The following TCP11L2 variants were observed in gnomAD, a reference collection of about 807,000 sequenced individuals.
The protein encoded by TCP11L2 is T-complex protein 11-like protein 2.
Under a neutral mutation model 50.7 loss-of-function variants are expected in TCP11L2, and 39 were observed. The observed-to-expected ratio is 0.77, with a 90% CI of 0.60 to 1.01. TCP11L2 has a LOEUF of 1.01. TCP11L2 is among the 50% of genes least tolerant of loss of function. The pLI, the probability that TCP11L2 is intolerant of heterozygous loss-of-function variation, is 0.00. For missense variants in TCP11L2, 612 were observed against 614.7 expected, an observed-to-expected ratio of 1.00 and a Z score of 0.05; for synonymous variants, 192 against 219.3, an observed-to-expected ratio of 0.88 and a Z score of 1.10.
At position 106,335,784 on chromosome 12, in the gene TCP11L2, G is replaced by T. The variant is rs150065713; in HGVS notation, c.918G>T (p.Leu306Phe). 95 of 1,614,208 alleles carry T rather than the reference G, an allele frequency of 5.9e-5. 1 individual carries two copies. The African/African-American group carries it at 1.2e-3, about 20-fold the overall frequency. The change falls in exon 7 of 10, where the codon TTG becomes TTT. Residue 306 changes from leucine to phenylalanine, a missense_variant. Leu to Phe is a conservative substitution (Grantham distance 22). Coordinates refer to ENST00000299045, the MANE Select transcript of TCP11L2 (RefSeq NM_152772.3). Reference protein sequence around the residue: ...SPTLVLNNSYLKLLQWDYQKK... With the variant: ...SPTLVLNNSYFKLLQWDYQKK... ...CTTTGGTGCTAAATAATAGTTACTT[G>T]AAACTGTTACAGTGGGATTATCAGA...
At chr12:106,329,050 A>G (rs889272717) in intron 6 of TCP11L2, among the ~76,000 whole-genome samples, 1 of 152,082 alleles carries the variant, frequency 6.6e-6, no homozygotes, top group Non-Finnish European at 1.5e-5. Context: ...CAGCACCAAA[A>G]GAAGGGAAAG....
At chr12:106,342,077 A>G (rs953817531) in intron 9 of TCP11L2, among the ~76,000 whole-genome samples, 2 of 152,204 alleles carry the variant, frequency 1.3e-5, no homozygotes, top group Non-Finnish European at 2.9e-5. Context: ...GCAGTTGTCT[A>G]CTACAGAGGT....
At chr12:106,328,347 C>A (rs2035628519) in intron 6 of TCP11L2, among the ~76,000 whole-genome samples, 1 of 152,286 alleles carries the variant, frequency 6.6e-6, no homozygotes, top group East Asian at 1.9e-4. Context: ...AGATCGAGAC[C>A]ATCCTGGCCA....
chr12:106,329,232 A>G, intron 6 of TCP11L2: 2 of 1,439,956 alleles, frequency 1.4e-6, no homozygotes, highest in Non-Finnish European at 1.9e-6. Context: ...TTACCTTTAA[A>G]TCCCCAGTAC....
chr12:106,300,095 A>G (rs1219565415), upstream of TCP11L2, among the ~76,000 whole-genome samples: 1 of 152,156 alleles, frequency 6.6e-6, no homozygotes, highest in Non-Finnish European at 1.5e-5. Flanking sequence ...TAGAAAAACT[A>G]GGTGTAATAA....
chr12:106,298,734 G>A (rs1413722140), upstream of TCP11L2, among the ~76,000 whole-genome samples: 1 of 151,990 alleles, frequency 6.6e-6, no homozygotes, highest in Admixed American at 6.6e-5. Context: ...TGTTGGTCAG[G>A]CTGGTCTCAA....
chr12:106,341,321 A>G (rs918070080), intron 9 of TCP11L2, among the ~76,000 whole-genome samples: 3 of 152,216 alleles, frequency 2.0e-5, no homozygotes, highest in African/African-American at 7.2e-5. Flanking sequence ...GTTCACAGAT[A>G]GTAGATATGA....
intron 8 of TCP11L2, 72 bp from the exon 9 acceptor site, chr12:106,340,754 G>T (rs1468476306): frequency 8.3e-6 from 11 of 1,320,598 alleles, no homozygotes; most frequent in Non-Finnish European, 1.1e-5. Flanking sequence ...TCTAAAACAA[G>T]TCTGTATATT....
At chr12:106,342,006 C>G (rs1208645645) in intron 9 of TCP11L2, among the ~76,000 whole-genome samples, 2 of 152,012 alleles carry the variant, frequency 1.3e-5, no homozygotes, top group Non-Finnish European at 2.9e-5. Flanking sequence ...GATGGTTACC[C>G]CCAAATAAAA....
chr12:106,339,199 T>A (rs1312927104), intron 8 of TCP11L2, among the ~76,000 whole-genome samples: 1 of 152,118 alleles, frequency 6.6e-6, no homozygotes, highest in Non-Finnish European at 1.5e-5. Flanking sequence ...ATGGTATCTC[T>A]CTGTGGTTTT....
chr12:106,310,800 A>G (rs922683885), intron 1 of TCP11L2, among the ~76,000 whole-genome samples: 2 of 152,202 alleles, frequency 1.3e-5, no homozygotes, highest in Admixed American at 6.5e-5. Context: ...TCACATTTAT[A>G]GTGGGTGTGT....
In TCP11L2 at chr12:106,314,568, TGTGTGTGTGAGAGAGAGA is replaced by T. The variant is rs1395832036; in HGVS notation, c.293+77_293+94del. 7 of 1,005,206 alleles carry T rather than the reference TGTGTGTGTGAGAGAGAGA, an allele frequency of 7.0e-6. No individual in the cohort carries two copies. In the African/African-American group the frequency reaches 8.7e-5, roughly 12 times the overall value. The allele number at this position is 1,005,206 out of a possible 1,614,324, so 62.3% of individuals were successfully genotyped here. A position where few individuals can be genotyped will look rare whatever the true frequency, so the allele number is the denominator to read the frequency against. ...GTGTGTGTGTGTGTGTGTGTGTGTG[TGTGTGTGTGAGAGAGAGA>T]GAGAGAGAGAGAGAGACAGAGAGAG... On this transcript the variant is annotated intron_variant, in intron 3 of 9. Coordinates refer to ENST00000299045, the MANE Select transcript of TCP11L2 (RefSeq NM_152772.3).
chr12:106,327,161 T>G (rs1261188458), intron 6 of TCP11L2, among the ~76,000 whole-genome samples: 1 of 152,186 alleles, frequency 6.6e-6, no homozygotes, highest in Non-Finnish European at 1.5e-5. Context: ...TGCCTATTTT[T>G]TTTCTGTTTT....
In TCP11L2 at chr12:106,305,914, GCAGAGTTAAGATCA is replaced by G. The variant is rs1358175800; in HGVS notation, c.-36+2979_-36+2992del. Among the ~76,000 whole-genome samples, 6 of 152,184 alleles carry G rather than the reference GCAGAGTTAAGATCA, an allele frequency of 3.9e-5. No homozygotes were observed. The East Asian group carries it at 1.2e-3, about 29-fold the overall frequency. ...GGGAGAACACTGCAGAATAAGGTGG[GCAGAGTTAAGATCA>G]CAGAGGGTTGTAAACCATGGCCCAG... On this transcript the variant is annotated intron_variant, in intron 1 of 9. Transcript: ENST00000299045.
chr12:106,305,979 A>AG (rs1359180011), intron 1 of TCP11L2, among the ~76,000 whole-genome samples: 4 of 152,250 alleles, frequency 2.6e-5, no homozygotes, highest in Non-Finnish European at 5.9e-5. Context: ...GAACCCACCT[A>AG]GGGATGAACT....
intron 5 of TCP11L2, among the ~76,000 whole-genome samples, chr12:106,322,464 G>T (rs1049864152): frequency 6.6e-6 from 1 of 152,200 alleles, no homozygotes; most frequent in Admixed American, 6.5e-5. Context: ...AATTTGCACT[G>T]CAGGGAGGGA....
chr12:106,346,318 C>T lies in TCP11L2; in HGVS notation c.1348C>T (p.Leu450Phe). ...KRIKLYMRRL[L>F]CLPSPQKCMP... ...AATTAAGCTTTACATGAGAAGGCTA[C>T]TTTGTCTTCCAAGCCCTCAAAAATG... Residue 450 changes from leucine to phenylalanine, a missense_variant, in exon 10 of 10, where the codon CTT (leucine) becomes TTT (phenylalanine). Leu to Phe is a conservative substitution (Grantham distance 22). Transcript: ENST00000299045. 6.2e-7 allele frequency: 1 copy of T among 1,613,138 alleles called. No homozygotes were observed. Among genetic ancestry groups the T allele is most frequent in the Non-Finnish European group, 8.5e-7 (1 of 1,179,368 alleles).
chr12:106,317,684 C>A (rs917653727), intron 3 of TCP11L2, among the ~76,000 whole-genome samples: 1 of 151,960 alleles, frequency 6.6e-6, no homozygotes, highest in African/African-American at 2.4e-5. Flanking sequence ...GAAAGAGCCT[C>A]GTCAGTAATT....
Position 106,323,560 on chromosome 12 carries a change from C to T in TCP11L2, c.686C>T (p.Thr229Ile). Residue 229 changes from threonine to isoleucine, a missense_variant, in exon 6 of 10, where the codon ACA becomes ATA. Transcript: ENST00000299045. ...ATGCAAATGGACATGGCCAATTTTA[C>T]AATTATGAGTCTCAGACCGCACCTT... ...DLMQMDMANFTIMSLRPHLQR... is the reference protein window; with the variant it reads ...DLMQMDMANFIIMSLRPHLQR... 1 of 1,609,100 alleles carries T rather than the reference C, an allele frequency of 6.2e-7. No individual in the cohort carries two copies. Among genetic ancestry groups the T allele is most frequent in the Non-Finnish European group, 8.5e-7 (1 of 1,177,688 alleles).
Sources: gnomAD v4.1 joint callset for allele counts (sites outside exome capture counted in the v4.1 genomes callset) on GRCh38, gnomAD v4.1.1 for gene constraint, MANE v1.5 for transcripts, NCBI Gene and HGNC (gene_info 2026-07-23, HGNC 2026-07-21) for gene names.